Variants in ALAS1 observed in about 807,000 individuals in gnomAD.
ALAS1 encodes 5'-aminolevulinate synthase 1.
In ALAS1, 29 loss-of-function variants were observed where a neutral mutation model predicts 59.6. The observed-to-expected ratio is 0.49, with a 90% CI of 0.36 to 0.66. ALAS1 has a LOEUF of 0.66. ALAS1 is among the 30% of genes least tolerant of loss of function. ALAS1 has a pLI of 0.00. For synonymous variants in ALAS1, 299 were observed against 296.6 expected (o/e 1.01, Z -0.08); for missense variants, 690 against 807.5 (o/e 0.85, Z 1.76).
At chr3:52,200,975 A>G (rs1400209181) in intron 3 of ALAS1, among the ~76,000 whole-genome samples, 2 of 152,160 alleles carry the variant, frequency 1.3e-5, no homozygotes, top group African/African-American at 4.8e-5. Flanking sequence ...TGCAATGGCT[A>G]TGTTTTAAAT....
intron 9 of ALAS1, 152 bp downstream of exon 9, chr3:52,208,399 T>C: frequency 1.2e-6 from 1 of 821,278 alleles, no homozygotes; most frequent in Non-Finnish European, 1.9e-6. Context: ...TGGAATCCCT[T>C]GGGTCATGGA....
intron 9 of ALAS1, among the ~76,000 whole-genome samples, chr3:52,210,067 C>T (rs1347592699): frequency 2.0e-5 from 3 of 152,222 alleles, no homozygotes; most frequent in Non-Finnish European, 2.9e-5. Context: ...GGCCCTAAAT[C>T]AATCCTAATG....
In ALAS1 at chr3:52,199,351, T is replaced by C. The variant is rs755309775; in HGVS notation, c.110T>C (p.Met37Thr). 6.2e-7 allele frequency: 1 copy of C among 1,614,102 alleles called. No homozygotes were observed. Among genetic ancestry groups the C allele is most frequent in the South Asian group, 1.1e-5 (1 of 91,088 alleles). ...LFYAQNCPKM[M>T]EVGAKPAPRA... is the part of the protein sequence containing the mutation. ...TATGCCCAAAACTGCCCCAAGATGA[T>C]GGAAGTTGGGGCCAAGCCAGCCCCT... is the stretch of plus-strand genomic sequence containing the variant. Residue 37 changes from methionine to threonine, a missense_variant, in exon 3 of 12, where the codon ATG (methionine) becomes ACG (threonine). Met to Thr is a moderately conservative substitution (Grantham distance 81, BLOSUM62 -1). Coordinates refer to ENST00000484952, the MANE Select transcript of ALAS1 (RefSeq NM_000688.6).
intron 11 of ALAS1, among the ~76,000 whole-genome samples, chr3:52,213,155 A>G (rs1699447776): frequency 6.6e-6 from 1 of 152,200 alleles, no homozygotes; most frequent in South Asian, 2.1e-4. Context: ...GCCTCTGATA[A>G]GAGGAATTGC....
At chr3:52,206,500 T>C in intron 7 of ALAS1, 72 bp from the exon 8 acceptor site, 2 of 1,500,074 alleles carry the variant, frequency 1.3e-6, no homozygotes, top group Non-Finnish European at 1.8e-6. Flanking sequence ...CAAGGAAAAG[T>C]CTGTTGTCTT....
chr3:52,203,037 T>C (rs1391314247), intron 4 of ALAS1, among the ~76,000 whole-genome samples: 2 of 152,164 alleles, frequency 1.3e-5, no homozygotes, highest in Non-Finnish European at 1.5e-5. Flanking sequence ...TTTCCCATCA[T>C]CTGCTAGGAT....
chr3:52,211,648 C>T (rs1480158690), intron 10 of ALAS1, 97 bp downstream of exon 10: 40 of 1,519,950 alleles, frequency 2.6e-5, no homozygotes, highest in Non-Finnish European at 3.1e-5. Context: ...TGGGCTTGAG[C>T]GGGGTGACTG....
In ALAS1 at chr3:52,203,913, G is replaced by A. The variant is rs762349397; in HGVS notation, c.478G>A (p.Gly160Arg). ...GPSVVSVKTD[G>R]GDPSGLLKNF... The stretch of plus-strand genomic sequence containing the variant: ...CAGTGTGGTTAGTGTGAAAACCGAT[G>A]GAGGGGATCCCAGTGGACTGCTGAA... Residue 160 changes from glycine (G) to arginine (R), a missense_variant, in exon 5 of 12, where the codon GGA becomes AGA. Gly to Arg is a moderately radical substitution (Grantham distance 125, BLOSUM62 -2). Coordinates refer to ENST00000484952, the MANE Select transcript of ALAS1 (RefSeq NM_000688.6). 6.8e-6 allele frequency: 11 copies of A among 1,613,074 alleles called. No homozygotes were observed. Among genetic ancestry groups the A allele is most frequent in the Non-Finnish European group, 7.6e-6 (9 of 1,179,468 alleles).
At chr3:52,213,084 C>T (rs1479445217) in intron 11 of ALAS1, among the ~76,000 whole-genome samples, 1 of 152,166 alleles carries the variant, frequency 6.6e-6, no homozygotes, top group East Asian at 1.9e-4. Flanking sequence ...TCACATTTGT[C>T]TTCACCACTG....
chr3:52,198,672 T>G lies in ALAS1; in HGVS notation c.-209T>G. On this transcript the variant is annotated splice_region_variant and 5_prime_UTR_variant, in exon 2 of 12. Transcript: ENST00000484952. Reference sequence around the variant, plus strand: ...CTCATTTGTGCCCCTCCTTTCTCAGTTATGCCCAGTTCTTCCCGCTGTGGG... The same window carrying G: ...CTCATTTGTGCCCCTCCTTTCTCAGGTATGCCCAGTTCTTCCCGCTGTGGG... The G allele has an allele frequency of 1.2e-6, 1 of 837,526 alleles. No individual in the cohort carries two copies. The highest frequency in any genetic ancestry group is 1.6e-5 in the South Asian group (1 of 64,328). The allele number at this position is 837,526 out of a possible 1,614,324, so 51.9% of individuals were successfully genotyped here. A position where few individuals can be genotyped will look rare whatever the true frequency, so the allele number is the denominator to read the frequency against.
chr3:52,202,518 G>A lies in ALAS1; in HGVS notation c.211G>A (p.Ala71Thr). 3.7e-6 allele frequency: 6 copies of A among 1,612,404 alleles called. No individual in the cohort carries two copies. The highest frequency in any genetic ancestry group is 5.1e-6 in the Non-Finnish European group (6 of 1,178,502). ...ATTTCCTCCCTCAGAAGACAAAACT[G>A]CTAAGGCCAAGGTCCAACAGACTCC... ...TPPASEKDKT[A>T]KAKVQQTPDG... Residue 71 changes from alanine (A) to threonine (T), a missense_variant, in exon 4 of 12, where the codon GCT (alanine) becomes ACT (threonine). Coordinates refer to ENST00000484952, the MANE Select transcript of ALAS1 (RefSeq NM_000688.6).
In ALAS1 at chr3:52,199,446, T is replaced by C. The variant is rs2107260492; in HGVS notation, c.199+6T>C. The C allele has an allele frequency of 6.2e-7, 1 of 1,611,782 alleles. No homozygotes were observed. The highest frequency in any genetic ancestry group is 1.7e-4 in the Middle Eastern group (1 of 5,816). Reference sequence around the variant, plus strand: ...AACCCCTCCGGCCAGTGAGAGTAAGTGTCATTGACAATGAAGGAGCAGGTA... The same window carrying C: ...AACCCCTCCGGCCAGTGAGAGTAAGCGTCATTGACAATGAAGGAGCAGGTA... On this transcript the variant is annotated splice_donor_region_variant and intron_variant, in intron 3 of 11. Coordinates refer to ENST00000484952, the MANE Select transcript of ALAS1 (RefSeq NM_000688.6).
chr3:52,201,078 G>A (rs1424186191), intron 3 of ALAS1, among the ~76,000 whole-genome samples: 2 of 151,924 alleles, frequency 1.3e-5, no homozygotes, highest in Non-Finnish European at 2.9e-5. Flanking sequence ...TTGGCCTTCC[G>A]TTATAGAAGA....
At position 52,202,566 on chromosome 3, in the gene ALAS1, G is replaced by A; in HGVS notation, c.259G>A (p.Asp87Asn). 1 of 1,614,184 alleles carries A rather than the reference G, an allele frequency of 6.2e-7. No homozygotes were observed. The highest frequency in any genetic ancestry group is 1.1e-5 in the South Asian group (1 of 91,086). The change falls in exon 4 of 12, where the codon GAT (aspartate) becomes AAT (asparagine). Residue 87 changes from aspartate (D) to asparagine (N), a missense_variant. Coordinates refer to ENST00000484952, the MANE Select transcript of ALAS1 (RefSeq NM_000688.6). ...TCCTGATGGATCCCAGCAGAGTCCA[G>A]ATGGCACACAGCTTCCGTCTGGACA... Reference protein sequence around the residue: ...QTPDGSQQSPDGTQLPSGHPL... With the variant: ...QTPDGSQQSPNGTQLPSGHPL...
chr3:52,203,495 C>T (rs997950055), intron 4 of ALAS1, among the ~76,000 whole-genome samples: 2 of 151,496 alleles, frequency 1.3e-5, no homozygotes, highest in Non-Finnish European at 2.9e-5. Context: ...GAGTCGAGAT[C>T]GTGCCACTGC....
chr3:52,200,865 T>G (rs1373713631), intron 3 of ALAS1, among the ~76,000 whole-genome samples: 1 of 152,126 alleles, frequency 6.6e-6, no homozygotes, highest in Admixed American at 6.5e-5. Context: ...GGGTGTGGGC[T>G]TGTAAGAAAA....
chr3:52,199,215 C>G lies in ALAS1; in HGVS notation c.-27C>G. The G allele has an allele frequency of 1.9e-6, 3 of 1,614,100 alleles. No individual in the cohort carries two copies. The highest frequency in any genetic ancestry group is 2.5e-6 in the Non-Finnish European group (3 of 1,179,974). On this transcript the variant is annotated 5_prime_UTR_variant, in exon 3 of 12. Coordinates refer to ENST00000484952, the MANE Select transcript of ALAS1 (RefSeq NM_000688.6). ...TTGATGTCACTCTTCATCAGTCTTT[C>G]CACAGGAGCCAGCATACTTCCTGAA...
At chr3:52,204,663 A>G in intron 5 of ALAS1, 30 bp from the exon 6 acceptor site, 1 of 1,590,870 alleles carries the variant, frequency 6.3e-7, no homozygotes, top group Non-Finnish European at 8.6e-7. Context: ...CACAACCACC[A>G]TTCTGTACTG....
At chr3:52,212,715 G>T (rs1699437643) in intron 11 of ALAS1, among the ~76,000 whole-genome samples, 1 of 152,014 alleles carries the variant, frequency 6.6e-6, no homozygotes, top group South Asian at 2.1e-4. Context: ...ATTTTTAGTA[G>T]AGATGGGGTT....
Sources: gnomAD v4.1 joint callset for allele counts (sites outside exome capture counted in the v4.1 genomes callset) on GRCh38, gnomAD v4.1.1 for gene constraint, MANE v1.5 for transcripts, NCBI Gene and HGNC (gene_info 2026-07-23, HGNC 2026-07-21) for gene names.